The following DSCAM variants were observed in gnomAD, a reference collection of about 807,000 sequenced individuals.
DSCAM encodes the protein cell adhesion molecule DSCAM.
A neutral mutation model predicts 217.7 loss-of-function variants in DSCAM; 47 were observed. The observed-to-expected ratio is 0.22, with a 90% CI of 0.17 to 0.28. The LOEUF (loss-of-function observed/expected upper bound fraction) is 0.28, where lower values mean the gene tolerates loss of function less well. Among genes scored for constraint, DSCAM ranks in the 10% least tolerant of loss-of-function variants. The probability of loss-of-function intolerance (pLI) is 1.00; values close to 1 mark genes in which losing one functional copy is unlikely to be tolerated. For missense variants in DSCAM, 2,080 were observed against 2,618.3 expected, an observed-to-expected ratio of 0.79 and a Z score of 4.49; for synonymous variants, 1,056 against 1,015.3, an observed-to-expected ratio of 1.04 and a Z score of -0.76.
At chr21:40,241,456 A>C (rs1037572394) in intron 11 of DSCAM, among the ~76,000 whole-genome samples, 2 of 152,240 alleles carry the variant, frequency 1.3e-5, no homozygotes, top group Non-Finnish European at 2.9e-5. Flanking sequence ...CATACCAGTC[A>C]GAATAGCTAT....
Position 40,013,318 on chromosome 21 carries a change from T to A in DSCAM, c.5755A>T (p.Ser1919Cys). The change falls in exon 33 of 33, where the codon AGC becomes TGC. Residue 1919 changes from serine to cysteine, a missense_variant. Around this residue, in one of 5 missense-constraint regions of DSCAM, gnomAD observed 145 missense variants for 138.5 expected, o/e 1.05. Transcript: ENST00000400454. ...GCTTGTCCTAAGCTCAGGTCCCTGC[T>A]GGTGCCTGGACCACCTCGGTTTAAC... Reference protein sequence around the residue: ...FLLNRGGPGTSRDLSLGQACL... With the variant: ...FLLNRGGPGTCRDLSLGQACL... 1 of 1,611,088 alleles carries A rather than the reference T, an allele frequency of 6.2e-7. No homozygotes were observed. The highest frequency in any genetic ancestry group is 2.2e-5 in the East Asian group (1 of 44,774).
intron 1 of DSCAM, among the ~76,000 whole-genome samples, chr21:40,789,894 TC>T (rs2091625453): frequency 6.6e-6 from 1 of 152,162 alleles, no homozygotes; most frequent in Admixed American, 6.5e-5. Context: ...ATTCTCAGCC[TC>T]ACAGGACAGA....
At chr21:40,325,528 A>G (rs2074308174) in intron 8 of DSCAM, among the ~76,000 whole-genome samples, 1 of 152,234 alleles carries the variant, frequency 6.6e-6, no homozygotes, top group East Asian at 1.9e-4. Flanking sequence ...ACAGCCTTGG[A>G]AAAGATATTC....
chr21:40,722,491 T>C (rs1288830454), intron 1 of DSCAM, among the ~76,000 whole-genome samples: 1 of 152,146 alleles, frequency 6.6e-6, no homozygotes, highest in Non-Finnish European at 1.5e-5. Flanking sequence ...TTGTAAACTC[T>C]AAAAGCAACC....
At chr21:40,665,597 G>A (rs2090190509) in intron 3 of DSCAM, among the ~76,000 whole-genome samples, 1 of 152,136 alleles carries the variant, frequency 6.6e-6, no homozygotes, top group East Asian at 1.9e-4. Flanking sequence ...CACTCCTGTT[G>A]TTCATTTCCA....
chr21:40,703,348 T>C (rs2090677749), intron 2 of DSCAM, among the ~76,000 whole-genome samples: 1 of 152,056 alleles, frequency 6.6e-6, no homozygotes, highest in Non-Finnish European at 1.5e-5. Flanking sequence ...AGATTCCATC[T>C]CTACAAAAAT....
intron 3 of DSCAM, among the ~76,000 whole-genome samples, chr21:40,652,859 G>A (rs1376753767): frequency 6.6e-6 from 1 of 152,154 alleles, no homozygotes; most frequent in African/African-American, 2.4e-5. Context: ...CTGGGACCCT[G>A]GGCCACGCTG....
chr21:40,528,652 C>G (rs942750217), intron 3 of DSCAM, among the ~76,000 whole-genome samples: 1 of 152,074 alleles, frequency 6.6e-6, no homozygotes, highest in Admixed American at 6.6e-5. Context: ...CTGGTCTATT[C>G]CTTAAGGTCA....
chr21:40,124,084 C>G (rs1283888626), intron 20 of DSCAM, 111 bp downstream of exon 20: 1 of 1,484,894 alleles, frequency 6.7e-7, no homozygotes, highest in Admixed American at 1.9e-5. Flanking sequence ...AACAAAACCA[C>G]TGGAAAGACC....
chr21:40,022,108 AATGGTTCTTGCT>A (rs764043503), intron 32 of DSCAM, among the ~76,000 whole-genome samples: 51 of 152,272 alleles, frequency 3.3e-4, no homozygotes, highest in Non-Finnish European at 6.2e-4. Context: ...ATCATCAAAC[AATGGTTCTTGCT>A]ATGGTTCTTG....
intron 3 of DSCAM, among the ~76,000 whole-genome samples, chr21:40,674,174 A>T (rs989261233): frequency 5.3e-5 from 8 of 152,194 alleles, no homozygotes; most frequent in African/African-American, 1.2e-4. Flanking sequence ...TTGGTCAAAA[A>T]TATCTCATTT....
At chr21:40,418,456 G>A (rs1047895522) in intron 3 of DSCAM, among the ~76,000 whole-genome samples, 1 of 152,204 alleles carries the variant, frequency 6.6e-6, no homozygotes, top group Non-Finnish European at 1.5e-5. Flanking sequence ...CTGGGAACGG[G>A]AGAATTTTGT....
intron 16 of DSCAM, among the ~76,000 whole-genome samples, chr21:40,156,289 GA>G (rs2090476500): frequency 3.4e-5 from 1 of 29,814 alleles, no homozygotes; most frequent in African/African-American, 4.7e-4. Flanking sequence ...AACTAAGACA[GA>G]GAGAGAGAGA....
At chr21:40,610,019 A>G (rs1330887949) in intron 3 of DSCAM, among the ~76,000 whole-genome samples, 1 of 152,218 alleles carries the variant, frequency 6.6e-6, no homozygotes, top group Admixed American at 6.5e-5. Context: ...GAGACGGACT[A>G]TTTCTTAGGT....
chr21:40,402,443 A>T (rs1205209705), intron 3 of DSCAM, among the ~76,000 whole-genome samples: 1 of 152,122 alleles, frequency 6.6e-6, no homozygotes, highest in African/African-American at 2.4e-5. Flanking sequence ...TACCTCTCAG[A>T]TCATTAGAAC....
chr21:40,385,302 A>G lies in DSCAM; in HGVS notation c.509-16057T>C, dbSNP rs1601604497. 2.6e-5 allele frequency: 4 copies of G among 152,356 alleles called. No homozygotes were observed. In the South Asian group the frequency reaches 8.3e-4, roughly 32 times the overall value. 9.4% of individuals were successfully genotyped at this position (152,356 alleles called of 1,614,324 possible). On this transcript the variant is annotated intron_variant, in intron 3 of 32. Transcript: ENST00000400454. ...TTTTAATGAAAATAAAGTATATTTT[A>G]TGAATGTAACTCATGCTAACCATGG...
intron 3 of DSCAM, among the ~76,000 whole-genome samples, chr21:40,526,351 A>G (rs1275618982): frequency 6.6e-6 from 1 of 152,198 alleles, no homozygotes; most frequent in African/African-American, 2.4e-5. Context: ...CACAAGGCCA[A>G]GCCTTTCAGG....
In DSCAM at chr21:40,674,655, C is replaced by G. The variant is rs546885884; in HGVS notation, c.508+18155G>C. 1.1e-3 allele frequency among the ~76,000 whole-genome samples: 129 copies of G among 113,082 alleles called. 2 individuals are homozygous for G. Among genetic ancestry groups the G allele is most frequent in the Admixed American group, 6.3e-3 (58 of 9,254 alleles). The allele number at this position is 113,082 out of a possible 152,430, so 74.2% of individuals were successfully genotyped here. A position where few individuals can be genotyped will look rare whatever the true frequency, so the allele number is the denominator to read the frequency against. On this transcript the variant is annotated intron_variant, in intron 3 of 32. Coordinates refer to ENST00000400454, the MANE Select transcript of DSCAM (RefSeq NM_001389.5). ...TTCTTTTTTTTTTTTTTTTTTGAGA[C>G]GGAGTCTCGCTTTGTCTCCCAGGCT...
In DSCAM at chr21:40,757,771, C is replaced by T. The variant is rs557227219; in HGVS notation, c.44-49000G>A. On this transcript the variant is annotated intron_variant, in intron 1 of 32. Coordinates refer to ENST00000400454, the MANE Select transcript of DSCAM (RefSeq NM_001389.5). ...AATCATGAGAAATCATAAATGTTTG[C>T]CACTTTGGGCCACTAAGTTTTGGCA... Among the ~76,000 whole-genome samples, 6 of 152,294 alleles carry T rather than the reference C, an allele frequency of 3.9e-5. No homozygotes were observed. In the East Asian group the frequency reaches 9.6e-4, roughly 24 times the overall value.
Sources: allele counts gnomAD v4.1 joint callset (sites outside exome capture counted in the v4.1 genomes callset), GRCh38; gene constraint gnomAD v4.1.1; regional missense constraint gnomAD v4.1.1; transcripts MANE v1.5; gene names NCBI Gene and HGNC (gene_info 2026-07-23, HGNC 2026-07-21).